CACNB2: variants seen among roughly 807,000 people sequenced by gnomAD.
The protein encoded by CACNB2 is voltage-dependent L-type calcium channel subunit beta-2.
Under a neutral mutation model 73.3 loss-of-function variants are expected in CACNB2, and 42 were observed. The observed-to-expected ratio is 0.57, with a 90% CI of 0.45 to 0.74. The LOEUF (loss-of-function observed/expected upper bound fraction) is 0.74, where lower values mean the gene tolerates loss of function less well. CACNB2 is among the 30% of genes least tolerant of loss of function. CACNB2 has a pLI of 0.00. For synonymous variants in CACNB2, 348 were observed against 310.3 expected (o/e 1.12, Z -1.28); for missense variants, 940 against 853.0 (o/e 1.10, Z -1.27).
At chr10:18,403,962 T>G (rs2044147648) in intron 3 of CACNB2, among the ~76,000 whole-genome samples, 1 of 152,046 alleles carries the variant, frequency 6.6e-6, no homozygotes, top group Non-Finnish European at 1.5e-5. Flanking sequence ...TGTATATTTT[T>G]AAATAACTTA....
chr10:18,481,728 T>A, intron 3 of CACNB2, among the ~76,000 whole-genome samples: 1 of 152,160 alleles, frequency 6.6e-6, no homozygotes, highest in East Asian at 1.9e-4. Context: ...TTCCCTGAGA[T>A]TGTACTCTTA....
chr10:18,339,798 G>GT (rs1023329402), intron 2 of CACNB2, among the ~76,000 whole-genome samples: 1 of 152,068 alleles, frequency 6.6e-6, no homozygotes, highest in Non-Finnish European at 1.5e-5. Context: ...ATACCATTCT[G>GT]TTTTTTATTT....
chr10:18,476,511 T>C (rs1350206492), intron 3 of CACNB2, among the ~76,000 whole-genome samples: 1 of 152,184 alleles, frequency 6.6e-6, no homozygotes, highest in Non-Finnish European at 1.5e-5. Flanking sequence ...AAGTAGCGAC[T>C]CTCCATCAGT....
At chr10:18,528,025 C>A in intron 10 of CACNB2, among the ~76,000 whole-genome samples, 1 of 152,240 alleles carries the variant, frequency 6.6e-6, no homozygotes, top group South Asian at 2.1e-4. Flanking sequence ...CCTTTTGAAG[C>A]CTCCATTTCC....
intron 3 of CACNB2, among the ~76,000 whole-genome samples, chr10:18,440,730 A>G (rs371450414): frequency 1.5e-4 from 23 of 152,172 alleles, no homozygotes; most frequent in African/African-American, 3.9e-4. Flanking sequence ...ATTTGAGGAT[A>G]GATTATTTCA....
intron 9 of CACNB2, 26 bp from the exon 10 acceptor site, chr10:18,527,562 T>C (rs1426430965): frequency 1.3e-6 from 2 of 1,481,504 alleles, no homozygotes; most frequent in South Asian, 1.1e-5. Context: ...AACCTTAAGG[T>C]CTTCTGTGAC....
At chr10:18,473,145 C>G (rs1013532727) in intron 3 of CACNB2, among the ~76,000 whole-genome samples, 52 of 152,172 alleles carry the variant, frequency 3.4e-4, no homozygotes, top group African/African-American at 1.1e-3. Flanking sequence ...TAAAAATTGT[C>G]CACGCTTTAG....
chr10:18,284,843 C>T (rs72784231), intron 2 of CACNB2, among the ~76,000 whole-genome samples: 14 of 151,914 alleles, frequency 9.2e-5, no homozygotes, highest in Admixed American at 7.2e-4. Flanking sequence ...CAAAAAAAGA[C>T]GATTCTGGTT....
At chr10:18,381,779 T>A (rs910177575) in intron 2 of CACNB2, among the ~76,000 whole-genome samples, 4 of 151,970 alleles carry the variant, frequency 2.6e-5, no homozygotes, top group South Asian at 2.1e-4. Flanking sequence ...TAATGAGTGT[T>A]GTGTTCGTAT....
intron 3 of CACNB2, among the ~76,000 whole-genome samples, chr10:18,458,149 C>CT (rs1331322733): frequency 6.6e-6 from 1 of 152,154 alleles, no homozygotes; most frequent in East Asian, 1.9e-4. Flanking sequence ...GTATTTTAGA[C>CT]TATGCAAACA....
chr10:18,443,417 G>A (rs921964857), intron 3 of CACNB2, among the ~76,000 whole-genome samples: 2 of 152,060 alleles, frequency 1.3e-5, no homozygotes, highest in Non-Finnish European at 2.9e-5. Context: ...GGGCCAGCAG[G>A]AGCCCAGGCC....
At chr10:18,350,727 A>C (rs893539045) in intron 2 of CACNB2, among the ~76,000 whole-genome samples, 1 of 152,232 alleles carries the variant, frequency 6.6e-6, no homozygotes, top group Non-Finnish European at 1.5e-5. Flanking sequence ...AGAGTTCATG[A>C]AAATCACCCC....
At chr10:18,352,478 A>C (rs78737394) in intron 2 of CACNB2, among the ~76,000 whole-genome samples, 14,006 of 152,308 alleles carry the variant, frequency 0.092, 805 homozygotes, top group Admixed American at 0.14. Flanking sequence ...GAAAGAAAAG[A>C]GAAACCAGGA....
intron 2 of CACNB2, among the ~76,000 whole-genome samples, chr10:18,388,059 A>G (rs774833495): frequency 3.3e-5 from 5 of 152,152 alleles, no homozygotes; most frequent in Admixed American, 6.6e-5. Flanking sequence ...ACCTGGCCCA[A>G]GCCATTTCTC....
chr10:18,372,937 G>A (rs1045867817), intron 2 of CACNB2, among the ~76,000 whole-genome samples: 7 of 152,126 alleles, frequency 4.6e-5, no homozygotes, highest in Non-Finnish European at 8.8e-5. Context: ...TCTCAGTTGA[G>A]TAGCTGAGAC....
chr10:18,301,604 C>T (rs989930586), intron 2 of CACNB2, among the ~76,000 whole-genome samples: 6 of 151,014 alleles, frequency 4.0e-5, no homozygotes, highest in South Asian at 2.1e-4. Flanking sequence ...CAAAAACAAA[C>T]GAAACAAGCT....
chr10:18,445,976 G>T (rs944309311), intron 3 of CACNB2, among the ~76,000 whole-genome samples: 2 of 152,196 alleles, frequency 1.3e-5, no homozygotes, highest in African/African-American at 2.4e-5. Context: ...GGAGGTTTCA[G>T]TGAGCCAAGA....
intron 2 of CACNB2, among the ~76,000 whole-genome samples, chr10:18,198,102 A>C (rs978307342): frequency 7.4e-5 from 11 of 148,256 alleles, no homozygotes; most frequent in African/African-American, 2.4e-4. Flanking sequence ...ATTAACATGT[A>C]ATATATTCAT....
intron 2 of CACNB2, among the ~76,000 whole-genome samples, chr10:18,220,214 TATATATATATATATATATAG>T (rs2035703869): frequency 2.2e-5 from 1 of 46,066 alleles, no homozygotes; most frequent in South Asian, 7.5e-4. Context: ...TATATATATA[TATATATATATATATATATAG>T]AGAGAGAGAG....
Sources: gnomAD v4.1 joint callset for allele counts (sites outside exome capture counted in the v4.1 genomes callset) on GRCh38, gnomAD v4.1.1 for gene constraint, MANE v1.5 for transcripts, NCBI Gene and HGNC (gene_info 2026-07-23, HGNC 2026-07-21) for gene names.